Variants in LILRA4 observed in about 807,000 individuals in gnomAD.
LILRA4 encodes leukocyte immunoglobulin-like receptor subfamily A member 4.
LILRA4 carries 51 observed loss-of-function variants against 49.5 expected under a neutral mutation model. That is an observed-to-expected ratio of 1.03 (90% CI 0.82 to 1.30). The LOEUF (loss-of-function observed/expected upper bound fraction) is 1.30. Ranked by LOEUF, LILRA4 falls within the 50% of genes most tolerant of loss-of-function variation. The pLI is 0.00. For missense variants in LILRA4, 624 were observed against 625.6 expected, an observed-to-expected ratio of 1.00 and a Z score of 0.03; for synonymous variants, 272 against 265.6, an observed-to-expected ratio of 1.02 and a Z score of -0.23.
At position 54,333,957 on chromosome 19, in the gene LILRA4, C is replaced by T; in HGVS notation, c.1264G>A (p.Glu422Lys). 1 of 1,613,914 alleles carries T rather than the reference C, an allele frequency of 6.2e-7. No individual in the cohort carries two copies. The highest frequency in any genetic ancestry group is 8.5e-7 in the Non-Finnish European group (1 of 1,179,794). The change falls in exon 7 of 8, where the codon GAG (glutamate) becomes AAG (lysine). Residue 422 changes from glutamate (E) to lysine (K), a missense_variant. Glu to Lys is a moderately conservative substitution (Grantham distance 56). Coordinates refer to ENST00000291759, the MANE Select transcript of LILRA4 (RefSeq NM_012276.5). ...TTCTTTTGTGCTGGATTGAGGGTCT[C>T]AGTTGCTCCTAAGAATCAAAGAATA... is the stretch of plus-strand genomic sequence containing the variant. ...PLELVVSGAT[E>K]TLNPAQKKSD...
In LILRA4 at chr19:54,337,979, G is replaced by C; in HGVS notation, c.612C>G (p.Tyr204Ter). ...RCYGYENNTP[Y>*]VWSEPSDPLQ... Reference sequence around the variant, plus strand: ...GGGGGTCACTGGGTTCCGACCACACGTATGGGGTGTTGTTTTCATAGCCGT... The same window carrying C: ...GGGGGTCACTGGGTTCCGACCACACCTATGGGGTGTTGTTTTCATAGCCGT... The change falls in exon 4 of 8, where the codon TAC becomes TAG. Residue 204 changes from tyrosine to a stop codon, truncating the protein, a stop_gained. Transcript: ENST00000291759. LOFTEE classifies it high-confidence loss of function. 3 of 1,613,644 alleles carry C rather than the reference G, an allele frequency of 1.9e-6. No homozygotes were observed. Among genetic ancestry groups the C allele is most frequent in the Non-Finnish European group, 2.5e-6 (3 of 1,179,930 alleles).
In LILRA4 at chr19:54,337,150, A is replaced by G; in HGVS notation, c.953-7T>C. The G allele has an allele frequency of 6.2e-7, 1 of 1,607,600 alleles. No individual in the cohort carries two copies. Among genetic ancestry groups the G allele is most frequent in the South Asian group, 1.1e-5 (1 of 90,418 alleles). ...GGTCTGTCAGAGATCTGTCCTGGAG[A>G]AAAGAAGGACGGGTGAGGGGCTGCC... On this transcript the variant is annotated splice_region_variant and splice_polypyrimidine_tract_variant and intron_variant, in intron 5 of 7. Transcript: ENST00000291759.
intron 5 of LILRA4, 102 bp from the exon 6 acceptor site, chr19:54,337,245 T>A: frequency 7.1e-7 from 1 of 1,413,624 alleles, no homozygotes; most frequent in Non-Finnish European, 9.6e-7. Flanking sequence ...CCCTGTTTTC[T>A]CTGAGTCTCC....
intron 4 of LILRA4, 94 bp from the exon 5 acceptor site, chr19:54,337,790 G>GT (rs2122194513): frequency 2.7e-6 from 4 of 1,473,910 alleles, no homozygotes; most frequent in African/African-American, 1.4e-5. Context: ...CAGCGTCCTT[G>GT]TTTTTTTCTC....
chr19:54,337,339 T>C, intron 5 of LILRA4, 61 bp downstream of exon 5: 1 of 1,578,400 alleles, frequency 6.3e-7, no homozygotes, highest in Non-Finnish European at 8.6e-7. Flanking sequence ...CCACCTGGGC[T>C]CCCCCAGCAG....
At position 54,338,025 on chromosome 19, in the gene LILRA4, T is replaced by C; in HGVS notation, c.566A>G (p.Asn189Ser). The change falls in exon 4 of 8, where the codon AAC becomes AGC. Residue 189 changes from asparagine (N) to serine (S), a missense_variant. Coordinates refer to ENST00000291759, the MANE Select transcript of LILRA4 (RefSeq NM_012276.5). The stretch of plus-strand genomic sequence containing the variant: ...GCCGTAGCATCTGAATGTACCCCTG[T>C]TGCTGAAGGTCAGGGGGCCCATGGG... ...LFPMGPLTFSNRGTFRCYGYE... is the reference protein window; with the variant it reads ...LFPMGPLTFSSRGTFRCYGYE... 1 of 1,614,006 alleles carries C rather than the reference T, an allele frequency of 6.2e-7. No homozygotes were observed. The highest frequency in any genetic ancestry group is 1.3e-5 in the African/African-American group (1 of 75,004).
Position 54,337,035 on chromosome 19 carries a change from A to G in LILRA4, c.1061T>C (p.Leu354Pro), listed in dbSNP as rs768444316. Residue 354 changes from leucine to proline, a missense_variant, in exon 6 of 8, where the codon CTT becomes CCT. Transcript: ENST00000291759. ...ATGGGCTGCCCCCTCCTTGGTCAGA[A>G]GGAAAGTGAACATCGGGTCCCATGA... ...CQSWDPMFTF[L>P]LTKEGAAHPP... 3 of 1,613,856 alleles carry G rather than the reference A, an allele frequency of 1.9e-6. No homozygotes were observed. The highest frequency in any genetic ancestry group is 1.7e-6 in the Non-Finnish European group (2 of 1,179,916).
rs36068997 is a variant in LILRA4 at position 54,337,715 on chromosome 19, T to C, written c.656-19A>G. 0.74 allele frequency: 1,188,860 copies of C among 1,607,682 alleles called. 441,976 individuals are homozygous for C. The highest frequency in any genetic ancestry group is 0.82 in the East Asian group (36,542 of 44,798). On this transcript the variant is annotated intron_variant, in intron 4 of 7. Coordinates refer to ENST00000291759, the MANE Select transcript of LILRA4 (RefSeq NM_012276.5). Reference sequence around the variant, plus strand: ...GACACGCCTGGAGGGAAAGATGAGTTGGGACTCGGAGCGGCTGGTTCCTCC... The same window carrying C: ...GACACGCCTGGAGGGAAAGATGAGTCGGGACTCGGAGCGGCTGGTTCCTCC...
At position 54,337,480 on chromosome 19, in the gene LILRA4, C is replaced by T. The variant is rs1246092567; in HGVS notation, c.872G>A (p.Gly291Asp). Residue 291 changes from glycine to aspartate, a missense_variant, in exon 5 of 8, where the codon GGC becomes GAC. Gly to Asp is a moderately conservative substitution (Grantham distance 94). Transcript: ENST00000291759. ...GTGTGCGCCGTAGCATCTGTACTGGCCCCCGTAGGAGCGGCTCACAGGGCT... is the reference window on the plus strand; with the variant it reads ...GTGTGCGCCGTAGCATCTGTACTGGTCCCCGTAGGAGCGGCTCACAGGGCT... ...TLSPVSRSYG[G>D]QYRCYGAHNV... 2.5e-6 allele frequency: 4 copies of T among 1,612,178 alleles called. No homozygotes were observed. Among genetic ancestry groups the T allele is most frequent in the Non-Finnish European group, 2.5e-6 (3 of 1,179,778 alleles).
rs1247246300 is a variant in LILRA4, at chr19:54,338,696, A to G, written c.71-16T>C. 1 of 1,600,930 alleles carries G rather than the reference A, an allele frequency of 6.2e-7. No homozygotes were observed. The highest frequency in any genetic ancestry group is 1.3e-5 in the African/African-American group (1 of 74,460). On this transcript the variant is annotated splice_polypyrimidine_tract_variant and intron_variant, in intron 2 of 7. Transcript: ENST00000291759. ...AGTAGGTTTTCTGGAAGGAAATTAC[A>G]GGTTAGGTCCCAAGATGTCCTCAAC... is the stretch of plus-strand genomic sequence containing the variant.
intron 2 of LILRA4, 36 bp from the exon 3 acceptor site, chr19:54,338,716 C>T: frequency 6.3e-7 from 1 of 1,593,510 alleles, no homozygotes; most frequent in Non-Finnish European, 8.6e-7. Flanking sequence ...CCAAGATGTC[C>T]TCAACCCTCA....
rs764568449 is a variant in LILRA4, at chr19:54,338,154, C to T, written c.437G>A (p.Arg146Gln). ...CAGAGTGAACCTGCCCAGTCCCAGC[C>T]GTGAGGCACACCGGAGGGTCACGTT... ...GVNVTLRCAS[R>Q]LGLGRFTLIE... Residue 146 changes from arginine (R) to glutamine (Q), a missense_variant, in exon 4 of 8, where the codon CGG becomes CAG. Physicochemically the swap from Arg to Gln is conservative, Grantham distance 43. Coordinates refer to ENST00000291759, the MANE Select transcript of LILRA4 (RefSeq NM_012276.5). The T allele has an allele frequency of 2.0e-5, 32 of 1,613,986 alleles. No homozygotes were observed. The highest frequency in any genetic ancestry group is 9.3e-5 in the African/African-American group (7 of 74,994).
At position 54,336,863 on chromosome 19, in the gene LILRA4, CT is replaced by C. The variant is rs750649215; in HGVS notation, c.1232del (p.Glu411GlyfsTer133). 37 of 1,489,442 alleles carry C rather than the reference CT, an allele frequency of 2.5e-5. No individual in the cohort carries two copies. The African/African-American group carries it at 2.6e-4, about 10-fold the overall frequency. The allele number at this position is 1,489,442 out of a possible 1,614,324, so 92.3% of individuals were successfully genotyped here. On this transcript the variant is annotated frameshift_variant, in exon 6 of 8. Transcript: ENST00000291759. LOFTEE classifies it high-confidence loss of function. ...SNPYLLSHPS[E>X]PLELVVSGAT... ...CACCTGAGACCACGAGCTCCAGGGG[CT>C]CACTGGGGTGAGACAGCAGGTAGGG...
chr19:54,336,908 G>T lies in LILRA4; in HGVS notation c.1188C>A (p.Tyr396Ter). Residue 396 changes from tyrosine to a stop codon, truncating the protein, a stop_gained, in exon 6 of 8, where the codon TAC (tyrosine) becomes TAA (stop). Coordinates refer to ENST00000291759, the MANE Select transcript of LILRA4 (RefSeq NM_012276.5). LOFTEE classifies it high-confidence loss of function. ...GGTAGGGGTTGGAGCTGCGTGAGCCGTAGCACCTGTAGGTCCCCGCGTGGG... is the reference window on the plus strand; with the variant it reads ...GGTAGGGGTTGGAGCTGCGTGAGCCTTAGCACCTGTAGGTCCCCGCGTGGG... ...TSAHAGTYRC[Y>*]GSRSSNPYLL... 2 of 1,614,220 alleles carry T rather than the reference G, an allele frequency of 1.2e-6. No individual in the cohort carries two copies. Among genetic ancestry groups the T allele is most frequent in the South Asian group, 1.1e-5 (1 of 91,090 alleles).
chr19:54,336,850 C>G lies in LILRA4; in HGVS notation c.1246G>C (p.Val416Leu). 6.3e-7 allele frequency: 1 copy of G among 1,587,484 alleles called. No homozygotes were observed. The highest frequency in any genetic ancestry group is 8.6e-7 in the Non-Finnish European group (1 of 1,158,632). The change falls in exon 6 of 8, where the codon GTG (valine) becomes CTG (leucine). Residue 416 changes from valine (V) to leucine (L), a missense_variant. By Grantham distance (32) the Val-to-Leu change is conservative. Transcript: ENST00000291759. ...LSHPSEPLELVVSGATETLNP... is the reference protein window; with the variant it reads ...LSHPSEPLELLVSGATETLNP... ...GGGTCAGCGCCCTCACCTGAGACCA[C>G]GAGCTCCAGGGGCTCACTGGGGTGA...
intron 5 of LILRA4, 90 bp downstream of exon 5, chr19:54,337,310 C>G: frequency 6.4e-7 from 1 of 1,562,590 alleles, no homozygotes; most frequent in Non-Finnish European, 8.7e-7. Flanking sequence ...AGGACCCCCA[C>G]CCCTCATCCC....
chr19:54,333,547 A>G lies in LILRA4; in HGVS notation c.*25T>C. On this transcript the variant is annotated 3_prime_UTR_variant, in exon 8 of 8. Coordinates refer to ENST00000291759, the MANE Select transcript of LILRA4 (RefSeq NM_012276.5). ...CAGACACTTCCCCAACTGCTGCCCC[A>G]GTCTTCCAGAACCTCCTCAGATCAT... 1 of 1,609,756 alleles carries G rather than the reference A, an allele frequency of 6.2e-7. No homozygotes were observed. The highest frequency in any genetic ancestry group is 1.1e-5 in the South Asian group (1 of 90,826).
rs758468403 is a variant in LILRA4 at position 54,338,190 on chromosome 19, G to T, written c.401C>A (p.Thr134Asn). The change falls in exon 4 of 8, where the codon ACC becomes AAC. Residue 134 changes from threonine to asparagine, a missense_variant. By Grantham distance (65) the Thr-to-Asn change is moderately conservative (BLOSUM62 0). Coordinates refer to ENST00000291759, the MANE Select transcript of LILRA4 (RefSeq NM_012276.5). ...CCGGAGGGTCACGTTCACTCCTGAG[G>T]TCACCACAGGGCTTGGCAGTGCGGA... Reference protein sequence around the residue: ...TLSALPSPVVTSGVNVTLRCA... With the variant: ...TLSALPSPVVNSGVNVTLRCA... The T allele has an allele frequency of 3.1e-6, 5 of 1,614,044 alleles. No homozygotes were observed. The South Asian group carries it at 5.5e-5, about 18-fold the overall frequency.
chr19:54,338,910 G>A lies in LILRA4; in HGVS notation c.35-9C>T. On this transcript the variant is annotated splice_polypyrimidine_tract_variant and intron_variant, in intron 1 of 7. Transcript: ENST00000291759. ...GGGGCCCAGGCTCAGCCCTGGAAGA[G>A]AGTTCCCTGTGAGAGATTTGCCTCC... is the stretch of plus-strand genomic sequence containing the variant. The A allele has an allele frequency of 6.2e-7, 1 of 1,614,168 alleles. No homozygotes were observed. The highest frequency in any genetic ancestry group is 8.5e-7 in the Non-Finnish European group (1 of 1,180,010).
Sources: allele counts gnomAD v4.1 joint callset, GRCh38; gene constraint gnomAD v4.1.1; transcripts MANE v1.5; gene names NCBI Gene and HGNC (gene_info 2026-07-23, HGNC 2026-07-21).